CLVS1: variants seen among roughly 807,000 people sequenced by gnomAD.
The protein encoded by CLVS1 is clavesin 1, also known as clavesin-1.
Under a neutral mutation model 33.1 loss-of-function variants are expected in CLVS1, and 10 were observed. The ratio of observed to expected loss-of-function variants is 0.30; its 90% confidence interval spans 0.19 to 0.51. The LOEUF is 0.51. Among genes scored for constraint, CLVS1 ranks in the 20% least tolerant of loss-of-function variants. The probability of loss-of-function intolerance (pLI) is 0.97; values close to 1 mark genes in which losing one functional copy is unlikely to be tolerated. For synonymous variants in CLVS1, 163 were observed against 166.1 expected, an observed-to-expected ratio of 0.98 and a Z score of 0.14; for missense variants, 343 against 433.4, an observed-to-expected ratio of 0.79 and a Z score of 1.85.
chr8:61,468,716 TAAAAAAAAAAA>T (rs5891803), intron 5 of CLVS1, among the ~76,000 whole-genome samples: 1 of 92,484 alleles, frequency 1.1e-5, no homozygotes, highest in Non-Finnish European at 2.0e-5. Flanking sequence ...GTAAAAGTAC[TAAAAAAAAAAA>T]AAAAAAAAAA....
At chr8:61,319,567 C>T (rs73682221) in intron 2 of CLVS1, among the ~76,000 whole-genome samples, 3,647 of 152,202 alleles carry the variant, frequency 0.024, 142 homozygotes, top group East Asian at 0.18. Flanking sequence ...AGTGTTAAAG[C>T]CCTAACTCCT....
the CLVS1 span, among the ~76,000 whole-genome samples, chr8:60,987,620 T>C: frequency 1.3e-5 from 2 of 152,140 alleles, no homozygotes; most frequent in Non-Finnish European, 2.9e-5. Flanking sequence ...TCCTCATTTA[T>C]GAAAAAAATG....
chr8:61,175,963 C>A (rs898701113), intron 2 of CLVS1, among the ~76,000 whole-genome samples: 1 of 152,164 alleles, frequency 6.6e-6, no homozygotes, highest in Admixed American at 6.5e-5. Flanking sequence ...TGTTGCCATC[C>A]CTTTCCAGAG....
intron 2 of CLVS1, among the ~76,000 whole-genome samples, chr8:61,336,930 A>G (rs185317968): frequency 6.6e-6 from 1 of 152,378 alleles, no homozygotes; most frequent in African/African-American, 2.4e-5. Context: ...CTACAGAGGG[A>G]ATAGGTTATG....
intron 2 of CLVS1, among the ~76,000 whole-genome samples, chr8:61,150,180 G>A (rs1585645450): frequency 1.3e-5 from 2 of 151,296 alleles, no homozygotes; most frequent in East Asian, 3.9e-4. Flanking sequence ...GAAATCCTTT[G>A]TCAGTGAGAT....
intron 1 of CLVS1, among the ~76,000 whole-genome samples, chr8:61,111,447 G>A (rs1805627129): frequency 6.6e-6 from 1 of 152,168 alleles, no homozygotes; most frequent in South Asian, 2.1e-4. Flanking sequence ...TTATCCTTCA[G>A]ATTTGGGACA....
intron 2 of CLVS1, among the ~76,000 whole-genome samples, chr8:61,192,638 T>C (rs1807514937): frequency 6.6e-6 from 1 of 151,984 alleles, no homozygotes; most frequent in Non-Finnish European, 1.5e-5. Flanking sequence ...AGGGCTAATA[T>C]CCAGAATCTA....
At chr8:61,490,749 A>C (rs1431620370) in intron 5 of CLVS1, among the ~76,000 whole-genome samples, 2 of 151,692 alleles carry the variant, frequency 1.3e-5, no homozygotes, top group Non-Finnish European at 2.9e-5. Context: ...ACTTGAGGTC[A>C]GGAGTTCAGG....
intron 5 of CLVS1, among the ~76,000 whole-genome samples, chr8:61,487,503 G>A (rs546829754): frequency 6.6e-6 from 1 of 152,286 alleles, no homozygotes; most frequent in Non-Finnish European, 1.5e-5. Flanking sequence ...CACTATTTGT[G>A]TATTCACTCA....
chr8:60,979,696 TG>T, the CLVS1 span, among the ~76,000 whole-genome samples: 1 of 152,166 alleles, frequency 6.6e-6, no homozygotes, highest in Non-Finnish European at 1.5e-5. Flanking sequence ...GGTGAGGAAG[TG>T]GTGCTTAGAA....
intron 3 of CLVS1, among the ~76,000 whole-genome samples, chr8:61,444,878 G>A (rs1344576014): frequency 6.6e-6 from 1 of 152,166 alleles, no homozygotes; most frequent in East Asian, 1.9e-4. Flanking sequence ...GGTGATTAGG[G>A]TAAGGGAATA....
chr8:61,324,459 C>T (rs1194054169), intron 2 of CLVS1, among the ~76,000 whole-genome samples: 3 of 152,090 alleles, frequency 2.0e-5, no homozygotes, highest in Non-Finnish European at 2.9e-5. Context: ...TCCTTTTCTT[C>T]CCAGTCTTGG....
chr8:61,058,701 T>G (rs924251482), intron 1 of CLVS1, among the ~76,000 whole-genome samples: 3 of 152,236 alleles, frequency 2.0e-5, no homozygotes, highest in Non-Finnish European at 2.9e-5. Flanking sequence ...TCCCCTTTGC[T>G]TCTGTCTCTC....
chr8:61,331,779 A>G (rs910508371), intron 2 of CLVS1, among the ~76,000 whole-genome samples: 2 of 147,384 alleles, frequency 1.4e-5, no homozygotes, highest in Non-Finnish European at 3.0e-5. Context: ...ACATTTTCTC[A>G]TTTCCTCCAG....
chr8:61,231,203 G>A (rs1327165935), intron 2 of CLVS1, among the ~76,000 whole-genome samples: 1 of 152,028 alleles, frequency 6.6e-6, no homozygotes, highest in Non-Finnish European at 1.5e-5. Context: ...AGAGTCTGCT[G>A]CCATTATAAA....
At chr8:61,392,952 C>T (rs1036337263) in intron 3 of CLVS1, among the ~76,000 whole-genome samples, 1 of 152,046 alleles carries the variant, frequency 6.6e-6, no homozygotes, top group South Asian at 2.1e-4. Flanking sequence ...TGTGCTATCT[C>T]GGCTCACTGC....
the CLVS1 span, among the ~76,000 whole-genome samples, chr8:61,008,090 A>G: frequency 1.3e-5 from 2 of 152,220 alleles, no homozygotes; most frequent in Non-Finnish European, 2.9e-5. Flanking sequence ...CAAGGAAGAA[A>G]GAGGAGGAAT....
chr8:61,202,842 T>TGATGATGATGAAGAA, intron 2 of CLVS1: 2 of 996,060 alleles, frequency 2.0e-6, no homozygotes, highest in Non-Finnish European at 3.1e-6. Flanking sequence ...ATGAAGATGA[T>TGATGATGATGAAGAA]GATGATGATG....
intron 2 of CLVS1, among the ~76,000 whole-genome samples, chr8:61,222,450 A>G (rs1362240252): frequency 6.6e-6 from 1 of 152,108 alleles, no homozygotes; most frequent in Non-Finnish European, 1.5e-5. Context: ...GAATCATTTT[A>G]TTCAGGAGCA....
Sources: gnomAD v4.1 joint callset for allele counts (sites outside exome capture counted in the v4.1 genomes callset) on GRCh38, gnomAD v4.1.1 for gene constraint, MANE v1.5 for transcripts, NCBI Gene and HGNC (gene_info 2026-07-23, HGNC 2026-07-21) for gene names.